Variants in LMNTD1 observed in about 807,000 individuals in gnomAD.
LMNTD1 encodes lamin tail domain-containing protein 1.
Under a neutral mutation model 50.9 loss-of-function variants are expected in LMNTD1, and 35 were observed. The observed-to-expected ratio is 0.69, with a 90% confidence interval of 0.53 to 0.91. LMNTD1 has a LOEUF of 0.91. Among genes scored for constraint, LMNTD1 ranks in the 40% least tolerant of loss-of-function variants. The pLI is 0.00. For synonymous variants in LMNTD1, 153 were observed against 161.9 expected, an observed-to-expected ratio of 0.94 and a Z score of 0.42; for missense variants, 470 against 475.5, an observed-to-expected ratio of 0.99 and a Z score of 0.11.
intron 1 of LMNTD1, among the ~76,000 whole-genome samples, chr12:25,626,314 A>G (rs1340548529): frequency 6.6e-6 from 1 of 150,938 alleles, no homozygotes; most frequent in African/African-American, 2.4e-5. Context: ...TGATATCTCT[A>G]TTTTGTTGTA....
intron 1 of LMNTD1, among the ~76,000 whole-genome samples, chr12:25,594,161 T>C (rs1945782635): frequency 6.6e-6 from 1 of 152,018 alleles, no homozygotes; most frequent in African/African-American, 2.4e-5. Context: ...TCAAGGAAAA[T>C]TTCCCCAGCC....
chr12:25,618,992 G>T (rs776533333), intron 1 of LMNTD1, among the ~76,000 whole-genome samples: 99 of 152,212 alleles, frequency 6.5e-4, no homozygotes, highest in South Asian at 2.1e-3. Flanking sequence ...TTGGTGATGG[G>T]TTAACAGTCT....
At chr12:25,588,540 T>TG (rs1471181071) in intron 1 of LMNTD1, among the ~76,000 whole-genome samples, 1 of 152,082 alleles carries the variant, frequency 6.6e-6, no homozygotes, top group East Asian at 1.9e-4. Context: ...TAAACTATAT[T>TG]GTTCAGGGAT....
intron 9 of LMNTD1, among the ~76,000 whole-genome samples, chr12:25,483,752 G>A (rs1240183479): frequency 5.2e-5 from 7 of 134,968 alleles, no homozygotes; most frequent in African/African-American, 1.1e-4. Flanking sequence ...AAGCCAGGGC[G>A]ACAGAGTGAC....
At chr12:25,515,084 T>C (rs1940653347) in intron 8 of LMNTD1, among the ~76,000 whole-genome samples, 1 of 152,118 alleles carries the variant, frequency 6.6e-6, no homozygotes, top group Non-Finnish European at 1.5e-5. Context: ...AGTTTAGGTA[T>C]GAACCCCAAA....
At chr12:25,622,259 T>C (rs2136567760) in intron 1 of LMNTD1, among the ~76,000 whole-genome samples, 1 of 152,180 alleles carries the variant, frequency 6.6e-6, no homozygotes, top group African/African-American at 2.4e-5. Context: ...TCAATAATGA[T>C]TCTATTAGCT....
intron 6 of LMNTD1, among the ~76,000 whole-genome samples, chr12:25,524,246 T>C (rs979654871): frequency 6.6e-6 from 1 of 152,228 alleles, no homozygotes; most frequent in African/African-American, 2.4e-5. Flanking sequence ...CAGTTTCTAC[T>C]AGCAGACTCT....
chr12:25,518,478 G>A (rs1157105012), intron 8 of LMNTD1, among the ~76,000 whole-genome samples: 1 of 118,358 alleles, frequency 8.4e-6, no homozygotes, highest in Non-Finnish European at 1.9e-5. Flanking sequence ...TTTGCTGCCT[G>A]ATGAAAAAAC....
chr12:25,550,054 T>C (rs1484998911), intron 2 of LMNTD1, among the ~76,000 whole-genome samples: 5 of 152,218 alleles, frequency 3.3e-5, no homozygotes, highest in Non-Finnish European at 7.3e-5. Flanking sequence ...CTTTTCTATA[T>C]TAATTAAGAT....
chr12:25,586,563 G>T (rs1022819423), intron 1 of LMNTD1, among the ~76,000 whole-genome samples: 4 of 152,160 alleles, frequency 2.6e-5, no homozygotes, highest in Non-Finnish European at 5.9e-5. Flanking sequence ...ACCAACGGGA[G>T]GTAGGTTGAA....
At chr12:25,612,559 T>A (rs1946272372) in intron 1 of LMNTD1, among the ~76,000 whole-genome samples, 1 of 152,174 alleles carries the variant, frequency 6.6e-6, no homozygotes, top group African/African-American at 2.4e-5. Flanking sequence ...TCAGATCTTA[T>A]TTTTATCTTC....
At chr12:25,476,509 C>T (rs1007588728) in intron 9 of LMNTD1, 49 bp from the exon 10 acceptor site, 2 of 152,150 alleles carry the variant, frequency 1.3e-5, no homozygotes, top group African/African-American at 4.8e-5. Flanking sequence ...CTCTATGTGT[C>T]AGACTATGCT....
chr12:25,491,157 A>G (rs1024170044), intron 9 of LMNTD1, among the ~76,000 whole-genome samples: 1 of 152,198 alleles, frequency 6.6e-6, no homozygotes, highest in Non-Finnish European at 1.5e-5. Context: ...GTGCTTGATC[A>G]TTTTTTCCCC....
At chr12:25,648,143 G>A (rs1947113255) in intron 1 of LMNTD1, among the ~76,000 whole-genome samples, 1 of 152,148 alleles carries the variant, frequency 6.6e-6, no homozygotes, top group African/African-American at 2.4e-5. Context: ...GAAAATCACT[G>A]AAAATGTTAC....
intron 1 of LMNTD1, among the ~76,000 whole-genome samples, chr12:25,604,225 T>G (rs1414257176): frequency 6.6e-6 from 1 of 152,126 alleles, no homozygotes; most frequent in African/African-American, 2.4e-5. Context: ...ACTTCTTTGT[T>G]TAAATTCTAC....
At chr12:25,583,071 T>C (rs945267702) in intron 1 of LMNTD1, among the ~76,000 whole-genome samples, 1 of 151,322 alleles carries the variant, frequency 6.6e-6, no homozygotes, top group Non-Finnish European at 1.5e-5. Flanking sequence ...TGGAGTGCAG[T>C]GGTGCTATCT....
chr12:25,548,549 C>T (rs1281027626), intron 3 of LMNTD1, among the ~76,000 whole-genome samples: 1 of 151,898 alleles, frequency 6.6e-6, no homozygotes, highest in African/African-American at 2.4e-5. Context: ...TAGGATAGCC[C>T]TGTGACATTT....
intron 1 of LMNTD1, among the ~76,000 whole-genome samples, chr12:25,627,505 A>G (rs1280467152): frequency 6.6e-6 from 1 of 152,142 alleles, no homozygotes; most frequent in Non-Finnish European, 1.5e-5. Flanking sequence ...GGATAAAACA[A>G]TCCTAGAGAA....
At chr12:25,598,462 G>A (rs932979884) in intron 1 of LMNTD1, among the ~76,000 whole-genome samples, 2 of 151,748 alleles carry the variant, frequency 1.3e-5, no homozygotes, top group African/African-American at 4.8e-5. Flanking sequence ...AAAAGTAAGA[G>A]CAAACCAAAC....
Sources: allele counts gnomAD v4.1 joint callset (sites outside exome capture counted in the v4.1 genomes callset), GRCh38; gene constraint gnomAD v4.1.1; transcripts MANE v1.5; gene names NCBI Gene and HGNC (gene_info 2026-07-23, HGNC 2026-07-21).